BRINP1: variants seen among roughly 807,000 people sequenced by gnomAD.
BRINP1 encodes the protein BMP/retinoic acid-inducible neural-specific protein 1.
BRINP1 carries 17 observed loss-of-function variants against 72.9 expected under a neutral mutation model. That is an observed-to-expected ratio of 0.23 (90% CI 0.16 to 0.35). The LOEUF is 0.35. BRINP1 is among the 10% of genes least tolerant of loss of function. BRINP1 has a pLI of 1.00. For missense variants in BRINP1, 850 were observed against 1,001.6 expected (o/e 0.85, Z 2.04); for synonymous variants, 418 against 378.5 (o/e 1.10, Z -1.21).
chr9:119,241,385 A>C (rs1388290274), intron 4 of BRINP1, among the ~76,000 whole-genome samples: 1 of 152,134 alleles, frequency 6.6e-6, no homozygotes, highest in East Asian at 1.9e-4. Flanking sequence ...ATTTGTTTTT[A>C]TATCATCTAT....
In BRINP1 at chr9:119,318,984, C is replaced by G. The variant is rs151172598; in HGVS notation, c.-50-5579G>C. On this transcript the variant is annotated intron_variant, in intron 1 of 7. Transcript: ENST00000265922. Reference sequence around the variant, plus strand: ...TGTGGACCTTTTGCTCCCCAGGGAACATCTTTGATCCTCACAACTGAGGGG... The same window carrying G: ...TGTGGACCTTTTGCTCCCCAGGGAAGATCTTTGATCCTCACAACTGAGGGG... 8.2e-4 allele frequency among the ~76,000 whole-genome samples: 124 copies of G among 152,046 alleles called. 4 individuals carry two copies. The East Asian group carries it at 0.016, about 19-fold the overall frequency.
chr9:119,183,615 CGTAT>C (rs1464557444), intron 7 of BRINP1, among the ~76,000 whole-genome samples: 5 of 152,082 alleles, frequency 3.3e-5, no homozygotes, highest in African/African-American at 9.7e-5. Flanking sequence ...ACTTTCTGTA[CGTAT>C]GTAATACTTT....
chr9:119,249,005 T>C lies in BRINP1; in HGVS notation c.364A>G (p.Ile122Val), dbSNP rs1032408277. The change falls in exon 3 of 8, where the codon ATC becomes GTC. Residue 122 changes from isoleucine to valine, a missense_variant. Physicochemically the swap from Ile to Val is conservative, Grantham distance 29 (BLOSUM62 3). Coordinates refer to ENST00000265922, the MANE Select transcript of BRINP1 (RefSeq NM_014618.3). The part of the protein sequence containing the change: ...PTTQQFIDTI[I>V]KKYGTHLLIS... ...AGCAGGTGGGTGCCGTACTTTTTGA[T>C]GATGGTATCGATGAACTGCTGAGTG... 4 of 1,614,064 alleles carry C rather than the reference T, an allele frequency of 2.5e-6. No individual in the cohort carries two copies. The highest frequency in any genetic ancestry group is 1.7e-6 in the Non-Finnish European group (2 of 1,179,970).
At position 119,226,276 on chromosome 9, in the gene BRINP1, C is replaced by A. The variant is rs765214741; in HGVS notation, c.686-12121G>T. Among the ~76,000 whole-genome samples the A allele has an allele frequency of 3.6e-4, 54 of 152,076 alleles. 1 individual carries two copies. The highest frequency in any genetic ancestry group is 7.2e-4 in the Admixed American group (11 of 15,250). ...TCAATAAACTAATTATCATGGGTAA[C>A]TTATTTAGGTTTTGGCCATCCTGAT... On this transcript the variant is annotated intron_variant, in intron 5 of 7. Transcript: ENST00000265922.
intron 1 of BRINP1, among the ~76,000 whole-genome samples, chr9:119,363,197 G>A (rs1301485618): frequency 6.6e-6 from 1 of 152,128 alleles, no homozygotes; most frequent in Non-Finnish European, 1.5e-5. Context: ...CAACCTCTCA[G>A]GTTCAAGTGA....
At chr9:119,309,395 C>T (rs999679936) in intron 2 of BRINP1, among the ~76,000 whole-genome samples, 3 of 152,174 alleles carry the variant, frequency 2.0e-5, no homozygotes, top group African/African-American at 7.2e-5. Flanking sequence ...TGAATCCCAG[C>T]TGTGCCACTT....
intron 3 of BRINP1, among the ~76,000 whole-genome samples, chr9:119,243,801 A>G (rs1333690324): frequency 6.6e-5 from 10 of 152,180 alleles, no homozygotes; most frequent in Admixed American, 3.9e-4. Flanking sequence ...GTGACATCAT[A>G]TATCTATTGG....
intron 1 of BRINP1, among the ~76,000 whole-genome samples, chr9:119,325,993 C>T (rs1831236319): frequency 1.3e-5 from 2 of 152,120 alleles, no homozygotes; most frequent in African/African-American, 4.8e-5. Flanking sequence ...ATAGGCAATT[C>T]ATGGCTAAAT....
chr9:119,172,980 T>G (rs965398431), intron 7 of BRINP1, among the ~76,000 whole-genome samples: 1 of 149,844 alleles, frequency 6.7e-6, no homozygotes, highest in African/African-American at 2.5e-5. Flanking sequence ...TGGGACGTAT[T>G]TCAAAATAAT....
At chr9:119,277,958 G>A (rs1040683094) in intron 2 of BRINP1, among the ~76,000 whole-genome samples, 1 of 152,028 alleles carries the variant, frequency 6.6e-6, no homozygotes, top group African/African-American at 2.4e-5. Context: ...AACTCTCTAT[G>A]GCATTGGAAT....
At chr9:119,185,013 A>G (rs1231176636) in intron 7 of BRINP1, among the ~76,000 whole-genome samples, 1 of 152,190 alleles carries the variant, frequency 6.6e-6, no homozygotes, top group African/African-American at 2.4e-5. Context: ...TGGTCTACCA[A>G]TCAGAATAAG....
chr9:119,231,454 T>A (rs1050432028), intron 5 of BRINP1, among the ~76,000 whole-genome samples: 14 of 152,158 alleles, frequency 9.2e-5, no homozygotes, highest in Non-Finnish European at 1.6e-4. Context: ...TTGTTGCTTC[T>A]ATATTAAAAA....
In BRINP1 at chr9:119,362,875, A is replaced by C. The variant is rs548330147; in HGVS notation, c.-51+6181T>G. On this transcript the variant is annotated intron_variant, in intron 1 of 7. Coordinates refer to ENST00000265922, the MANE Select transcript of BRINP1 (RefSeq NM_014618.3). ...ACAATGACCTTCTGTCAATTCTCAAACTCTCTTTAGTCCTCAAACTACCTG... is the reference window on the plus strand; with the variant it reads ...ACAATGACCTTCTGTCAATTCTCAACCTCTCTTTAGTCCTCAAACTACCTG... Among the ~76,000 whole-genome samples, 3 of 152,226 alleles carry C rather than the reference A, an allele frequency of 2.0e-5. No homozygotes were observed. In the East Asian group the frequency reaches 5.8e-4, roughly 29 times the overall value.
At position 119,313,275 on chromosome 9, in the gene BRINP1, T is replaced by C. The variant is rs752479550; in HGVS notation, c.81A>G (p.Pro27=). 50 of 1,614,060 alleles carry C rather than the reference T, an allele frequency of 3.1e-5. No homozygotes were observed. The highest frequency in any genetic ancestry group is 4.1e-5 in the Non-Finnish European group (48 of 1,180,038). The change falls in exon 2 of 8, where the codon CCA becomes CCG. Residue 27 remains proline, a synonymous_variant. Transcript: ENST00000265922. The part of the protein sequence containing the change: ...RISVQPSHQE[P]AGTDQHVSKE... ...TGGAGACATGTTGGTCTGTCCCAGC[T>C]GGTTCCTGGTGGGAGGGCTGCACTG... is the stretch of plus-strand genomic sequence containing the variant.
chr9:119,327,926 A>G (rs546767516), intron 1 of BRINP1, among the ~76,000 whole-genome samples: 54 of 152,294 alleles, frequency 3.5e-4, no homozygotes, highest in Middle Eastern at 6.8e-3. Flanking sequence ...AAAAAGAAGA[A>G]GAAAGGCCAG....
intron 1 of BRINP1, among the ~76,000 whole-genome samples, chr9:119,350,737 C>T (rs536736372): frequency 3.5e-4 from 53 of 152,136 alleles, no homozygotes; most frequent in Middle Eastern, 3.4e-3. Context: ...TAGCCCTGGC[C>T]GGCTCAATTC....
At chr9:119,195,233 C>T (rs890371702) in intron 7 of BRINP1, among the ~76,000 whole-genome samples, 9 of 152,116 alleles carry the variant, frequency 5.9e-5, no homozygotes, top group Non-Finnish European at 1.2e-4. Flanking sequence ...ACTTGTATCC[C>T]GCCTGGCACT....
intron 2 of BRINP1, among the ~76,000 whole-genome samples, chr9:119,312,152 A>G (rs1446289532): frequency 6.6e-6 from 1 of 152,238 alleles, no homozygotes; most frequent in African/African-American, 2.4e-5. Flanking sequence ...TGGATTATCT[A>G]ACATGGACCA....
chr9:119,203,242 G>A (rs983961808), intron 7 of BRINP1, among the ~76,000 whole-genome samples: 1 of 152,118 alleles, frequency 6.6e-6, no homozygotes, highest in African/African-American at 2.4e-5. Context: ...CAACAGTAAA[G>A]TCAGCAAAAT....
Sources: allele counts gnomAD v4.1 joint callset (sites outside exome capture counted in the v4.1 genomes callset), GRCh38; gene constraint gnomAD v4.1.1; transcripts MANE v1.5; gene names NCBI Gene and HGNC (gene_info 2026-07-23, HGNC 2026-07-21).